The following CDK14 variants were observed in gnomAD, a reference collection of about 807,000 sequenced individuals.
CDK14 encodes the protein cyclin-dependent kinase 14.
CDK14 carries 34 observed loss-of-function variants against 60.7 expected under a neutral mutation model. The ratio of observed to expected loss-of-function variants is 0.56; its 90% CI spans 0.43 to 0.75. CDK14 has a LOEUF of 0.75. Ranked by LOEUF, CDK14 falls within the 30% of genes least tolerant of loss-of-function variation. CDK14 has a pLI of 0.00. For synonymous variants in CDK14, 197 were observed against 203.7 expected (o/e 0.97, Z 0.28); for missense variants, 482 against 564.1 (o/e 0.85, Z 1.47).
At chr7:91,086,054 G>A (rs937563074) in intron 12 of CDK14, among the ~76,000 whole-genome samples, 4 of 152,066 alleles carry the variant, frequency 2.6e-5, no homozygotes, top group Non-Finnish European at 4.4e-5. Context: ...TGCCATATTG[G>A]GTGACACAAT....
At chr7:90,787,831 C>G (rs1191574437) in intron 4 of CDK14, among the ~76,000 whole-genome samples, 1 of 152,150 alleles carries the variant, frequency 6.6e-6, no homozygotes, top group African/African-American at 2.4e-5. Flanking sequence ...TTCCATGAAC[C>G]TAGGTCTTGT....
intron 6 of CDK14, among the ~76,000 whole-genome samples, chr7:90,891,139 G>T (rs1327575051): frequency 6.6e-6 from 1 of 152,078 alleles, no homozygotes; most frequent in African/African-American, 2.4e-5. Flanking sequence ...AGAAATTATT[G>T]CCCTTTTTCT....
At chr7:91,101,339 T>G (rs1308166001) in intron 12 of CDK14, among the ~76,000 whole-genome samples, 1 of 152,096 alleles carries the variant, frequency 6.6e-6, no homozygotes, top group East Asian at 1.9e-4. Flanking sequence ...AATAAAATAA[T>G]ACATGGGAAG....
intron 14 of CDK14, among the ~76,000 whole-genome samples, chr7:91,136,369 C>G (rs1800278392): frequency 6.6e-6 from 1 of 152,154 alleles, no homozygotes; most frequent in African/African-American, 2.4e-5. Flanking sequence ...GGGCTTGTTT[C>G]AACTTCACTA....
chr7:91,007,010 T>C (rs977687767), intron 10 of CDK14, among the ~76,000 whole-genome samples: 25 of 152,240 alleles, frequency 1.6e-4, no homozygotes, highest in Non-Finnish European at 4.4e-5. Context: ...TCCTTGTTCA[T>C]ACTCAGAGCT....
chr7:91,170,532 TTGGTACTCCTGTCCACA>T (rs1213234160), intron 14 of CDK14, among the ~76,000 whole-genome samples: 1 of 152,134 alleles, frequency 6.6e-6, no homozygotes, highest in Non-Finnish European at 1.5e-5. Flanking sequence ...ATTTGACACC[TTGGTACTCCTGTCCACA>T]TAGAAAAATT....
intron 2 of CDK14, among the ~76,000 whole-genome samples, chr7:90,649,244 C>CTTTCTTTCTTTGTTTCTTTG (rs1563029599): frequency 0.016 from 435 of 26,662 alleles, 39 homozygotes; most frequent in East Asian, 0.071. Context: ...TAGTTTCTTT[C>CTTTCTTTCTTTGTTTCTTTG]TTTCTTTCTT....
At chr7:90,718,054 G>A (rs1802315214) in intron 2 of CDK14, among the ~76,000 whole-genome samples, 1 of 152,000 alleles carries the variant, frequency 6.6e-6, no homozygotes. Flanking sequence ...AAATGATGTA[G>A]TTGGTAGTGA....
At position 91,045,877 on chromosome 7, in the gene CDK14, A is replaced by C; in HGVS notation, c.1042-20A>C. On this transcript the variant is annotated intron_variant, in intron 10 of 14. Transcript: ENST00000380050. ...TTGGAAATAATAAGGCTGTTTCCACAATCTCCTACTCTCCACTAGGTTCTT... is the reference window on the plus strand; with the variant it reads ...TTGGAAATAATAAGGCTGTTTCCACCATCTCCTACTCTCCACTAGGTTCTT... 6.4e-7 allele frequency: 1 copy of C among 1,555,730 alleles called. No individual in the cohort carries two copies. Among genetic ancestry groups the C allele is most frequent in the Non-Finnish European group, 8.9e-7 (1 of 1,127,386 alleles).
chr7:91,084,030 T>C (rs1798558836), intron 12 of CDK14, among the ~76,000 whole-genome samples: 1 of 152,222 alleles, frequency 6.6e-6, no homozygotes, highest in Admixed American at 6.5e-5. Flanking sequence ...CATCCCCACA[T>C]ATGCTTATGG....
intron 7 of CDK14, among the ~76,000 whole-genome samples, chr7:90,908,525 T>C (rs181424555): frequency 2.0e-4 from 31 of 152,262 alleles, no homozygotes; most frequent in Admixed American, 1.7e-3. Context: ...CCATTAAGAA[T>C]AGGGGAAACA....
chr7:91,071,479 C>T (rs113828605), intron 11 of CDK14, among the ~76,000 whole-genome samples: 6,617 of 152,278 alleles, frequency 0.043, 486 homozygotes, highest in African/African-American at 0.15. Context: ...AGTGAGTGAG[C>T]GTGCTACCCA....
intron 2 of CDK14, among the ~76,000 whole-genome samples, chr7:90,714,866 T>C (rs1187821182): frequency 6.6e-6 from 1 of 152,122 alleles, no homozygotes; most frequent in Non-Finnish European, 1.5e-5. Flanking sequence ...AAGATGGCTA[T>C]TGTAGATTTG....
At chr7:90,854,885 A>G (rs1790772456) in intron 5 of CDK14, among the ~76,000 whole-genome samples, 1 of 152,198 alleles carries the variant, frequency 6.6e-6, no homozygotes, top group Non-Finnish European at 1.5e-5. Context: ...CTGGATTATA[A>G]TCAACACCAT....
chr7:91,069,310 G>A (rs1239861166), intron 11 of CDK14, among the ~76,000 whole-genome samples: 6 of 152,280 alleles, frequency 3.9e-5, no homozygotes, highest in East Asian at 1.9e-4. Flanking sequence ...AGGCTGAGGC[G>A]GGAGGATCGC....
intron 10 of CDK14, among the ~76,000 whole-genome samples, chr7:91,013,657 T>C (rs34733080): frequency 7.2e-5 from 3 of 41,744 alleles, no homozygotes; most frequent in African/African-American, 7.6e-5. Context: ...ATTGCCTCTG[T>C]TTTTTTTTTT....
rs546356342 is a variant in CDK14, at chr7:90,820,533, C to A, written c.544+29881C>A. Among the ~76,000 whole-genome samples the A allele has an allele frequency of 1.3e-4, 20 of 152,306 alleles. No homozygotes were observed. The South Asian group carries it at 4.1e-3, about 32-fold the overall frequency. On this transcript the variant is annotated intron_variant, in intron 5 of 14. Coordinates refer to ENST00000380050, the MANE Select transcript of CDK14 (RefSeq NM_001287135.2). ...TCTCCTGCCACCATGTAAGATATGCCTTTCTTCTCCTTCACCTTCCGCCAT... is the reference window on the plus strand; with the variant it reads ...TCTCCTGCCACCATGTAAGATATGCATTTCTTCTCCTTCACCTTCCGCCAT...
intron 14 of CDK14, among the ~76,000 whole-genome samples, chr7:91,201,696 G>A (rs936902204): frequency 2.6e-5 from 4 of 152,196 alleles, no homozygotes; most frequent in African/African-American, 7.2e-5. Context: ...GTAGTGGTGT[G>A]TGTGTGTATG....
chr7:91,024,990 T>C (rs940680728), intron 10 of CDK14, among the ~76,000 whole-genome samples: 11 of 152,318 alleles, frequency 7.2e-5, no homozygotes, highest in African/African-American at 2.6e-4. Context: ...ATGCAAATAC[T>C]GTTGAATAAT....
Sources: allele counts gnomAD v4.1 joint callset (sites outside exome capture counted in the v4.1 genomes callset), GRCh38; gene constraint gnomAD v4.1.1; transcripts MANE v1.5; gene names NCBI Gene and HGNC (gene_info 2026-07-23, HGNC 2026-07-21).